RBM10: variants seen among roughly 807,000 people sequenced by gnomAD.
RBM10 encodes RNA-binding protein 10.
A neutral mutation model predicts 84.9 loss-of-function variants in RBM10; 1 was observed. The ratio of observed to expected loss-of-function variants is 0.01; its 90% CI spans 0.00 to 0.06. The LOEUF is 0.06. Among genes scored for constraint, RBM10 ranks in the 10% least tolerant of loss-of-function variants. RBM10 has a pLI of 1.00. For missense variants in RBM10, 438 were observed against 839.0 expected (o/e 0.52, Z 5.90); for synonymous variants, 326 against 344.5 (o/e 0.95, Z 0.60).
chrX:47,180,269 G>A lies in RBM10; in HGVS notation c.1120G>A (p.Gly374Ser), dbSNP rs2147177438. Residue 374 changes from glycine to serine, a missense_variant, in exon 11 of 24, where the codon GGC becomes AGC. Gly to Ser is a moderately conservative substitution (Grantham distance 56, BLOSUM62 0). This residue lies in a region of RBM10 where 33 missense variants were observed against 115.0 expected (regional missense o/e 0.29). Transcript: ENST00000377604. ...CCTGCACCCACCACTCACTATCGAC[G>A]GCAAGACCATCAATGTTGAGTTTGC... ...QALHPPLTID[G>S]KTINVEFAKG... The A allele has an allele frequency of 2.5e-6, 3 of 1,204,743 alleles. No individual in the cohort carries two copies. Among genetic ancestry groups the A allele is most frequent in the Non-Finnish European group, 3.4e-6 (3 of 891,794 alleles).
At chrX:47,163,056 CAA>C (rs367958692) in intron 2 of RBM10, among the ~76,000 whole-genome samples, 7 of 90,982 alleles carry the variant, frequency 7.7e-5, no homozygotes, top group Admixed American at 1.2e-4. Flanking sequence ...TATGCTTCTC[CAA>C]AAAAAAAAAA....
intron 6 of RBM10, among the ~76,000 whole-genome samples, chrX:47,176,146 C>T (rs1350567068): frequency 9.0e-6 from 1 of 111,268 alleles, no homozygotes; most frequent in African/African-American, 3.3e-5. Flanking sequence ...CCCTCACCCC[C>T]CAAGTGTAGC....
chrX:47,180,690 A>G (rs1315597028), intron 12 of RBM10, among the ~76,000 whole-genome samples, 184 bp downstream of exon 12: 2 of 110,874 alleles, frequency 1.8e-5, no homozygotes, highest in Admixed American at 9.6e-5. Context: ...CCCCTTCATC[A>G]TCACCGCAGC....
chrX:47,181,488 G>T lies in RBM10; in HGVS notation c.1436-19G>T, dbSNP rs782262766. 9.1e-6 allele frequency: 11 copies of T among 1,210,155 alleles called. No individual in the cohort carries two copies. In the Admixed American group the frequency reaches 2.2e-4, roughly 24 times the overall value. On this transcript the variant is annotated intron_variant, in intron 13 of 23. Transcript: ENST00000377604. Reference sequence around the variant, plus strand: ...CCCATTATTCACAGGCATTGTCCCTGCCCTGTCCCTCCTTACAGGTCCCGA... The same window carrying T: ...CCCATTATTCACAGGCATTGTCCCTTCCCTGTCCCTCCTTACAGGTCCCGA...
At chrX:47,168,679 G>A (rs1299169465) in intron 2 of RBM10, among the ~76,000 whole-genome samples, 1 of 111,825 alleles carries the variant, frequency 8.9e-6, no homozygotes, top group Non-Finnish European at 1.9e-5. Flanking sequence ...GGCAGGGGAC[G>A]TGGTGCAAGA....
intron 2 of RBM10, among the ~76,000 whole-genome samples, chrX:47,149,911 C>G (rs1449623964): frequency 3.8e-5 from 4 of 106,107 alleles, no homozygotes; most frequent in African/African-American, 1.4e-4. Flanking sequence ...ACCTCCACCT[C>G]CCAGGTTCAA....
intron 2 of RBM10, 75 bp from the exon 3 acceptor site, chrX:47,169,240 C>T (rs2147126624): frequency 9.6e-7 from 1 of 1,037,091 alleles, no homozygotes; most frequent in South Asian, 2.2e-5. Flanking sequence ...CCTACGAGAA[C>T]ACATCACCTG....
chrX:47,157,616 G>A (rs992174007), intron 2 of RBM10: 5 of 483,508 alleles, frequency 1.0e-5, no homozygotes, highest in African/African-American at 7.2e-5. Context: ...AGTCCAGGAC[G>A]ATGGTTTCAG....
chrX:47,158,223 G>A (rs782653933), intron 2 of RBM10: 5 of 189,212 alleles, frequency 2.6e-5, no homozygotes, highest in Non-Finnish European at 5.0e-5. Context: ...CAAGGAGCCT[G>A]GGTCCTGAGG....
intron 2 of RBM10, among the ~76,000 whole-genome samples, chrX:47,162,414 T>A: frequency 8.9e-6 from 1 of 112,180 alleles, no homozygotes; most frequent in Non-Finnish European, 1.9e-5. Context: ...TATCAAATCT[T>A]CCTTACTAGT....
At position 47,181,387 on chromosome X, in the gene RBM10, A is replaced by T. The variant is rs782007244; in HGVS notation, c.1421A>T (p.Asp474Val). 122 of 1,205,602 alleles carry T rather than the reference A, an allele frequency of 1.0e-4. No homozygotes were observed. The highest frequency in any genetic ancestry group is 2.3e-4 in the Middle Eastern group (1 of 4,360). ...CCTGGCATCACTGGAACCAAAGGGG[A>T]TCCCACTGGAGCAGGTGAGCCCCAG... is the stretch of plus-strand genomic sequence containing the variant. ...KGPGITGTKGDPTGAGPEASL... is the reference protein window; with the variant it reads ...KGPGITGTKGVPTGAGPEASL... The change falls in exon 13 of 24, where the codon GAT (aspartate) becomes GTT (valine). Residue 474 changes from aspartate (D) to valine (V), a missense_variant. By Grantham distance (152) the Asp-to-Val change is radical. Around this residue, in one of 8 missense-constraint regions of RBM10, gnomAD observed 97 missense variants for 110.3 expected, o/e 0.88. Transcript: ENST00000377604.
In RBM10 at chrX:47,180,843, C is replaced by T. The variant is rs142214955; in HGVS notation, c.1248+337C>T. On this transcript the variant is annotated intron_variant, in intron 12 of 23. Transcript: ENST00000377604. The stretch of plus-strand genomic sequence containing the variant: ...GTAATATATACATATATGATATACA[C>T]GTATCATATGTTCCTGAATAAAAAT... Among the ~76,000 whole-genome samples the T allele has an allele frequency of 7.6e-4, 84 of 111,211 alleles. No individual in the cohort carries two copies. The East Asian group carries it at 0.019, about 26-fold the overall frequency.
At chrX:47,151,940 G>A (rs1932804999) in intron 2 of RBM10, among the ~76,000 whole-genome samples, 1 of 111,952 alleles carries the variant, frequency 8.9e-6, no homozygotes, top group African/African-American at 3.2e-5. Context: ...TTCATAAATT[G>A]TGGCCTGGCA....
chrX:47,180,569 C>T, intron 12 of RBM10, 63 bp downstream of exon 12: 1 of 1,186,747 alleles, frequency 8.4e-7, no homozygotes, highest in Non-Finnish European at 1.1e-6. Context: ...CCTCCTGCAC[C>T]CTCTCTGAAG....
At chrX:47,169,595 C>A in intron 3 of RBM10, 97 bp downstream of exon 3, 1 of 915,680 alleles carries the variant, frequency 1.1e-6, no homozygotes, top group South Asian at 2.2e-5. Context: ...GCTCTCCACT[C>A]CCGTGCCTTC....
At chrX:47,159,184 C>T (rs184203198) in intron 2 of RBM10, among the ~76,000 whole-genome samples, 6 of 111,916 alleles carry the variant, frequency 5.4e-5, no homozygotes, top group African/African-American at 1.9e-4. Context: ...CCGAGGTGGG[C>T]AGATCACCTG....
At chrX:47,151,428 G>A (rs1374107968) in intron 2 of RBM10, among the ~76,000 whole-genome samples, 2 of 111,875 alleles carry the variant, frequency 1.8e-5, no homozygotes, top group African/African-American at 6.5e-5. Context: ...ATACTTCATT[G>A]TTGATTCTGA....
chrX:47,162,272 C>T (rs781906971), intron 2 of RBM10, among the ~76,000 whole-genome samples: 73 of 112,015 alleles, frequency 6.5e-4, no homozygotes, highest in Non-Finnish European at 1.0e-3. Flanking sequence ...CAGCTATTGC[C>T]GAATTCTCCT....
chrX:47,152,249 G>T (rs1602495618), intron 2 of RBM10, among the ~76,000 whole-genome samples: 1 of 110,667 alleles, frequency 9.0e-6, no homozygotes, highest in Non-Finnish European at 1.9e-5. Flanking sequence ...TGCATTAAAT[G>T]ATATCCTTGG....
Sources: gnomAD v4.1 joint callset for allele counts (sites outside exome capture counted in the v4.1 genomes callset) on GRCh38, gnomAD v4.1.1 for gene constraint, gnomAD v4.1.1 regional missense constraint, MANE v1.5 for transcripts, NCBI Gene and HGNC (gene_info 2026-07-23, HGNC 2026-07-21) for gene names.